ORC1: variants seen among roughly 807,000 people sequenced by gnomAD.
ORC1 encodes origin recognition complex, subunit 1 homolog.
In ORC1, 61 loss-of-function variants were observed where a neutral mutation model predicts 98.9. The observed-to-expected ratio is 0.62, with a 90% CI of 0.50 to 0.76. The LOEUF (loss-of-function observed/expected upper bound fraction) is 0.76, where lower values mean the gene tolerates loss of function less well. Among genes scored for constraint, ORC1 ranks in the 30% least tolerant of loss-of-function variants. ORC1 has a pLI of 0.00. For missense variants in ORC1, 979 were observed against 1,072.2 expected (o/e 0.91, Z 1.21); for synonymous variants, 385 against 406.9 (o/e 0.95, Z 0.65).
intron 10 of ORC1, 61 bp downstream of exon 10, chr1:52,385,100 A>G: frequency 9.7e-7 from 1 of 1,025,748 alleles, no homozygotes; most frequent in Non-Finnish European, 1.6e-6. Context: ...GTAACACCCA[A>G]GGCATTCCAC....
chr1:52,408,836 C>G (rs1217062897), upstream of ORC1: 15 of 997,314 alleles, frequency 1.5e-5, no homozygotes, highest in Non-Finnish European at 1.6e-5. Flanking sequence ...TCCCTTGTCC[C>G]TCATGGGAGT....
At chr1:52,386,188 C>T (rs1647141636) in intron 8 of ORC1, among the ~76,000 whole-genome samples, 1 of 152,072 alleles carries the variant, frequency 6.6e-6, no homozygotes, top group South Asian at 2.1e-4. Flanking sequence ...GGATTTATAA[C>T]AATATCAGTC....
At position 52,388,494 on chromosome 1, in the gene ORC1, C is replaced by G; in HGVS notation, c.1331G>C (p.Arg444Pro). 1.2e-6 allele frequency: 2 copies of G among 1,614,126 alleles called. No homozygotes were observed. The highest frequency in any genetic ancestry group is 2.2e-5 in the East Asian group (1 of 44,884). ...ATGTAAGGATGACTTCAAGGAAGAT[C>G]GCAGGTTCCTGGACACAGTTCTGGG... is the stretch of plus-strand genomic sequence containing the variant. ...RAPRTVSRNL[R>P]SSLKSSLHTL... is the part of the protein sequence containing the mutation. Residue 444 changes from arginine (R) to proline (P), a missense_variant, in exon 8 of 17, where the codon CGA (arginine) becomes CCA (proline). Transcript: ENST00000371568.
At chr1:52,399,813 A>T (rs946319445) in intron 3 of ORC1, among the ~76,000 whole-genome samples, 1 of 149,306 alleles carries the variant, frequency 6.7e-6, no homozygotes, top group Non-Finnish European at 1.5e-5. Context: ...TCACTGTCAC[A>T]CACACACACA....
intron 5 of ORC1, 89 bp from the exon 6 acceptor site, chr1:52,393,892 A>T (rs1299112551): frequency 1.0e-5 from 14 of 1,369,844 alleles, no homozygotes; most frequent in Non-Finnish European, 1.4e-5. Context: ...CCACTGAGTT[A>T]TATGTAAAAC....
intron 1 of ORC1, among the ~76,000 whole-genome samples, chr1:52,403,288 C>G (rs924186942): frequency 6.6e-6 from 1 of 152,212 alleles, no homozygotes; most frequent in Non-Finnish European, 1.5e-5. Flanking sequence ...GGTAAATCCA[C>G]TTTCCCACTA....
At chr1:52,398,051 C>T (rs554490526) in intron 3 of ORC1, among the ~76,000 whole-genome samples, 188 bp from the exon 4 acceptor site, 2 of 152,070 alleles carry the variant, frequency 1.3e-5, no homozygotes, top group Non-Finnish European at 2.9e-5. Flanking sequence ...GCAACCTCTG[C>T]CTCCTGGGTT....
At position 52,393,706 on chromosome 1, in the gene ORC1, T is replaced by C. The variant is rs780429167; in HGVS notation, c.819A>G (p.Ser273=). 6.2e-7 allele frequency: 1 copy of C among 1,613,892 alleles called. No homozygotes were observed. Among genetic ancestry groups the C allele is most frequent in the Admixed American group, 1.7e-5 (1 of 59,984 alleles). ...KRKVAFSEIT[S]PSKRSQPDKL... ...TATCAGGCTGAGATCTCTTAGAAGGTGAGGTGATCTCCGAGAAGGCCACTT... is the reference window on the plus strand; with the variant it reads ...TATCAGGCTGAGATCTCTTAGAAGGCGAGGTGATCTCCGAGAAGGCCACTT... Residue 273 remains serine (S), a synonymous_variant, in exon 6 of 17, where the codon TCA becomes TCG. Transcript: ENST00000371568.
intron 6 of ORC1, among the ~76,000 whole-genome samples, chr1:52,391,797 T>C (rs1443326053): frequency 6.2e-5 from 9 of 145,898 alleles, no homozygotes; most frequent in South Asian, 2.2e-4. Flanking sequence ...ACTCAGGAGG[T>C]TGAGGCAGGA....
At chr1:52,396,822 C>T (rs1285229718) in intron 4 of ORC1, among the ~76,000 whole-genome samples, 1 of 152,160 alleles carries the variant, frequency 6.6e-6, no homozygotes, top group Non-Finnish European at 1.5e-5. Context: ...CTCGCCTGCT[C>T]AACAGCCAAT....
intron 11 of ORC1, 94 bp downstream of exon 11, chr1:52,384,456 A>G (rs1647114618): frequency 9.0e-7 from 1 of 1,112,886 alleles, no homozygotes; most frequent in Non-Finnish European, 1.4e-6. Context: ...GTATATCATG[A>G]ACATGCAATA....
At chr1:52,393,373 G>A (rs1647265360) in intron 6 of ORC1, 70 bp downstream of exon 6, 30 of 1,601,490 alleles carry the variant, frequency 1.9e-5, no homozygotes, top group Non-Finnish European at 2.6e-5. Context: ...TAACTTTTTT[G>A]ACTATGACTC....
rs1296902852 is a variant in ORC1 at position 52,383,892 on chromosome 1, G to A, written c.1801C>T (p.Leu601=). Reference sequence around the variant, plus strand: ...CCTCGGGTGCAGAATTGCTTTGCCAGCAGTTCTGCCGCATGGTTGGCTGTT... The same window carrying A: ...CCTCGGGTGCAGAATTGCTTTGCCAACAGTTCTGCCGCATGGTTGGCTGTT... The part of the protein sequence containing the change: ...KATANHAAEL[L]AKQFCTRGSP... The change falls in exon 12 of 17, where the codon CTG becomes TTG. Residue 601 remains leucine, a synonymous_variant. Transcript: ENST00000371568. The A allele has an allele frequency of 1.9e-6, 3 of 1,614,222 alleles. No homozygotes were observed. Among genetic ancestry groups the A allele is most frequent in the Middle Eastern group, 1.7e-4 (1 of 6,060 alleles).
chr1:52,373,450 T>A (rs1157121141), intron 16 of ORC1, 75 bp from the exon 17 acceptor site: 3 of 1,346,330 alleles, frequency 2.2e-6, no homozygotes, highest in Non-Finnish European at 3.1e-6. Context: ...TCTTTCTTCA[T>A]TTGGGAAAAT....
chr1:52,375,924 CAT>C (rs1646989863), intron 14 of ORC1, among the ~76,000 whole-genome samples: 1 of 152,190 alleles, frequency 6.6e-6, no homozygotes, highest in African/African-American at 2.4e-5. Flanking sequence ...TCACTCCTTG[CAT>C]AGAGACAGAC....
At chr1:52,380,522 C>T (rs1183590306) in intron 14 of ORC1, among the ~76,000 whole-genome samples, 1 of 152,082 alleles carries the variant, frequency 6.6e-6, no homozygotes, top group Admixed American at 6.6e-5. Context: ...ATGGCAAAAC[C>T]CCATCTCTAC....
At chr1:52,406,679 T>C (rs1485910777), upstream of ORC1, among the ~76,000 whole-genome samples, 1 of 152,216 alleles carries the variant, frequency 6.6e-6, no homozygotes, top group Non-Finnish European at 1.5e-5. Context: ...TATTACCGTA[T>C]TACCGATTCT....
At chr1:52,395,906 G>A in intron 5 of ORC1, 140 bp downstream of exon 5, 1 of 1,415,404 alleles carries the variant, frequency 7.1e-7, no homozygotes, top group South Asian at 1.2e-5. Flanking sequence ...GAGGCAGAAG[G>A]ATTGCTTGAG....
At position 52,388,623 on chromosome 1, in the gene ORC1, C is replaced by T. The variant is rs200594811; in HGVS notation, c.1202G>A (p.Ser401Asn). ...CTCTTTCTCTTCTTGGTCACTTTTA[C>T]TATTACCTAGAAACCTGAATGGTAG... ...IRQQLRFLGN[S>N]KSDQEEKEIL... Residue 401 changes from serine to asparagine, a missense_variant, in exon 8 of 17, where the codon AGT becomes AAT. Coordinates refer to ENST00000371568, the MANE Select transcript of ORC1 (RefSeq NM_004153.4). 6.2e-7 allele frequency: 1 copy of T among 1,613,676 alleles called. No homozygotes were observed. The highest frequency in any genetic ancestry group is 8.5e-7 in the Non-Finnish European group (1 of 1,179,918).
Sources: allele counts gnomAD v4.1 joint callset (sites outside exome capture counted in the v4.1 genomes callset), GRCh38; gene constraint gnomAD v4.1.1; transcripts MANE v1.5; gene names NCBI Gene and HGNC (gene_info 2026-07-23, HGNC 2026-07-21).